The following CCDC3 variants were observed in gnomAD, a reference collection of about 807,000 sequenced individuals.
The protein encoded by CCDC3 is coiled-coil domain containing 3.
A neutral mutation model predicts 21.4 loss-of-function variants in CCDC3; 24 were observed. The ratio of observed to expected loss-of-function variants is 1.12; its 90% CI spans 0.81 to 1.58. The LOEUF is 1.58. CCDC3 is among the 40% of genes most tolerant of loss of function. CCDC3 has a pLI of 0.00. For synonymous variants in CCDC3, 186 were observed against 166.0 expected, an observed-to-expected ratio of 1.12 and a Z score of -0.93; for missense variants, 425 against 360.9, an observed-to-expected ratio of 1.18 and a Z score of -1.44.
At chr10:12,958,623 T>C (rs752414068) in intron 2 of CCDC3, among the ~76,000 whole-genome samples, 3 of 152,062 alleles carry the variant, frequency 2.0e-5, no homozygotes, top group East Asian at 1.9e-4. Context: ...AAAACTTCCA[T>C]AGAGAAAAAG....
chr10:12,919,698 T>C (rs2131214734), intron 2 of CCDC3, among the ~76,000 whole-genome samples: 1 of 151,482 alleles, frequency 6.6e-6, no homozygotes, highest in East Asian at 2.0e-4. Context: ...CCTTTGCATC[T>C]TGCAGCTCCT....
At chr10:13,084,711 G>A (rs1362642713) in intron 3 of CCDC3, among the ~76,000 whole-genome samples, 1 of 152,160 alleles carries the variant, frequency 6.6e-6, no homozygotes, top group East Asian at 1.9e-4. Context: ...CAGTAACATT[G>A]TGAGATCCTG....
chr10:13,034,329 C>T (rs1836347567), intron 5 of CCDC3, among the ~76,000 whole-genome samples: 1 of 121,294 alleles, frequency 8.2e-6, no homozygotes, highest in Non-Finnish European at 1.6e-5. Flanking sequence ...ACATCACACA[C>T]CGGGGCCTGT....
chr10:12,952,416 G>C (rs1434739768), intron 2 of CCDC3, among the ~76,000 whole-genome samples: 1 of 152,178 alleles, frequency 6.6e-6, no homozygotes, highest in African/African-American at 2.4e-5. Context: ...TTTCATTGAG[G>C]TGCAAATGAA....
chr10:13,042,777 C>T (rs968806540), intron 5 of CCDC3, among the ~76,000 whole-genome samples: 16 of 151,842 alleles, frequency 1.1e-4, no homozygotes, highest in South Asian at 2.1e-4. Context: ...GGTGTGGTGG[C>T]GGGCGCCTGT....
At chr10:12,934,743 A>C (rs565558554) in intron 2 of CCDC3, among the ~76,000 whole-genome samples, 7 of 152,274 alleles carry the variant, frequency 4.6e-5, no homozygotes, top group African/African-American at 1.7e-4. Flanking sequence ...CTGCTCTAAA[A>C]TTAATATAGC....
At chr10:12,931,006 T>A (rs943999055) in intron 2 of CCDC3, among the ~76,000 whole-genome samples, 2 of 152,052 alleles carry the variant, frequency 1.3e-5, no homozygotes, top group Non-Finnish European at 2.9e-5. Flanking sequence ...AGGTCAGGAC[T>A]TCCAGACCAG....
rs575947270 is a variant in CCDC3, at chr10:12,917,797, T to G, written c.550-19118A>C. Among the ~76,000 whole-genome samples the G allele has an allele frequency of 2.6e-5, 4 of 152,338 alleles. No individual in the cohort carries two copies. The South Asian group carries it at 8.3e-4, about 32-fold the overall frequency. On this transcript the variant is annotated intron_variant, in intron 2 of 2. Coordinates refer to ENST00000378825, the MANE Select transcript of CCDC3 (RefSeq NM_031455.4). ...ACTCTTTACTTTACCGTAGTCCTTTTGTTGAGTCTGTGGGCTGTTACTGAA... is the reference window on the plus strand; with the variant it reads ...ACTCTTTACTTTACCGTAGTCCTTTGGTTGAGTCTGTGGGCTGTTACTGAA...
At chr10:12,985,250 AG>A (rs1293001781) in intron 2 of CCDC3, among the ~76,000 whole-genome samples, 1 of 152,252 alleles carries the variant, frequency 6.6e-6, no homozygotes, top group Non-Finnish European at 1.5e-5. Context: ...CTATCAAAAC[AG>A]CTAGAATAAG....
intron 3 of CCDC3, among the ~76,000 whole-genome samples, chr10:13,097,821 T>C (rs556322115): frequency 1.3e-5 from 2 of 152,218 alleles, no homozygotes; most frequent in Non-Finnish European, 2.9e-5. Context: ...TTATATCACA[T>C]AACACCCTGA....
chr10:12,984,473 C>G (rs964052470), intron 2 of CCDC3, among the ~76,000 whole-genome samples: 2 of 152,188 alleles, frequency 1.3e-5, no homozygotes, highest in Non-Finnish European at 2.9e-5. Flanking sequence ...TAAAATGGTG[C>G]AGCTGCTTTG....
rs200617611 is a variant in CCDC3 at position 13,094,441 on chromosome 10, G to C, written c.-503+4084C>G. ...CCAGCTAATTTTTGTTTTTTTAGTA[G>C]AGATGGGGTTTCACCATGTTGACCA... is the stretch of plus-strand genomic sequence containing the variant. On this transcript the variant is annotated intron_variant, in intron 3 of 6. Coordinates refer to the CCDC3 transcript ENST00000378839. 1.2e-4 allele frequency among the ~76,000 whole-genome samples: 19 copies of C among 152,144 alleles called. No individual in the cohort carries two copies. The East Asian group carries it at 3.7e-3, about 30-fold the overall frequency.
At chr10:12,945,618 A>G (rs1834904073) in intron 2 of CCDC3, among the ~76,000 whole-genome samples, 1 of 152,212 alleles carries the variant, frequency 6.6e-6, no homozygotes, top group African/African-American at 2.4e-5. Context: ...TAAAACAGCA[A>G]GGTTTTCTTG....
chr10:12,970,113 A>G (rs963174093), intron 2 of CCDC3, among the ~76,000 whole-genome samples: 2 of 152,126 alleles, frequency 1.3e-5, no homozygotes, highest in African/African-American at 2.4e-5. Flanking sequence ...GGTCTCCAAG[A>G]TGGTAATTTA....
chr10:12,926,660 TA>T (rs1834545071), intron 2 of CCDC3, among the ~76,000 whole-genome samples: 2 of 152,160 alleles, frequency 1.3e-5, no homozygotes, highest in African/African-American at 4.8e-5. Context: ...GTACAGAGAT[TA>T]AAGCAAGACC....
At chr10:12,943,520 T>G (rs1202750339) in intron 2 of CCDC3, among the ~76,000 whole-genome samples, 1 of 152,230 alleles carries the variant, frequency 6.6e-6, no homozygotes, top group African/African-American at 2.4e-5. Context: ...AAGGGATACT[T>G]GGAAGCCAGG....
intron 2 of CCDC3, among the ~76,000 whole-genome samples, chr10:12,984,290 T>C (rs1463590913): frequency 1.3e-5 from 2 of 152,180 alleles, no homozygotes; most frequent in African/African-American, 4.8e-5. Flanking sequence ...AAATGCCCAA[T>C]AAGCACCGTA....
intron 3 of CCDC3, among the ~76,000 whole-genome samples, chr10:13,095,034 A>G (rs1694188559): frequency 6.6e-6 from 1 of 152,142 alleles, no homozygotes; most frequent in Non-Finnish European, 1.5e-5. Context: ...GGAGGCTTCA[A>G]CCATACACCT....
intron 2 of CCDC3, among the ~76,000 whole-genome samples, chr10:12,911,871 T>A (rs527863559): frequency 2.6e-5 from 4 of 152,188 alleles, no homozygotes; most frequent in Non-Finnish European, 5.9e-5. Flanking sequence ...CTCATTTTTT[T>A]TAGATTCTAC....
Sources: gnomAD v4.1 joint callset for allele counts (sites outside exome capture counted in the v4.1 genomes callset) on GRCh38, gnomAD v4.1.1 for gene constraint, MANE v1.5 for transcripts, NCBI Gene and HGNC (gene_info 2026-07-23, HGNC 2026-07-21) for gene names.